Variants in SNX31 observed in about 807,000 individuals in gnomAD.
The protein encoded by SNX31 is sorting nexin-31.
Under a neutral mutation model 65.4 loss-of-function variants are expected in SNX31, and 58 were observed. That is an observed-to-expected ratio of 0.89 (90% CI 0.72 to 1.10). SNX31 has a LOEUF of 1.10. SNX31 is among the 50% of genes least tolerant of loss of function. The probability of loss-of-function intolerance (pLI) is 0.00; values close to 1 mark genes in which losing one functional copy is unlikely to be tolerated. For missense variants in SNX31, 523 were observed against 529.7 expected (o/e 0.99, Z 0.12); for synonymous variants, 181 against 190.1 (o/e 0.95, Z 0.39).
chr8:100,638,548 G>T (rs1318229374), intron 2 of SNX31, among the ~76,000 whole-genome samples: 2 of 152,162 alleles, frequency 1.3e-5, no homozygotes, highest in African/African-American at 4.8e-5. Flanking sequence ...TTGGTGGTTG[G>T]TTGTTTGATT....
upstream of SNX31, among the ~76,000 whole-genome samples, chr8:100,652,511 A>G (rs1319108372): frequency 6.6e-6 from 1 of 152,142 alleles, no homozygotes; most frequent in Non-Finnish European, 1.5e-5. Flanking sequence ...CCCTAACCTT[A>G]TGGAGCCTAA....
At chr8:100,635,354 C>T (rs1818693150) in intron 3 of SNX31, among the ~76,000 whole-genome samples, 1 of 152,002 alleles carries the variant, frequency 6.6e-6, no homozygotes, top group South Asian at 2.1e-4. Flanking sequence ...ATCCTCTCAC[C>T]TCAGCTTCCT....
intron 9 of SNX31, among the ~76,000 whole-genome samples, chr8:100,598,807 GT>G (rs1309208167): frequency 1.3e-5 from 2 of 152,152 alleles, no homozygotes; most frequent in Non-Finnish European, 2.9e-5. Context: ...CAGACATATG[GT>G]CCCTGTTGCA....
At chr8:100,624,000 G>C (rs760543494) in intron 4 of SNX31, among the ~76,000 whole-genome samples, 44 of 151,830 alleles carry the variant, frequency 2.9e-4, no homozygotes, top group Admixed American at 7.2e-4. Flanking sequence ...AACTCCAGTT[G>C]GGGGGGAGGT....
intron 2 of SNX31, among the ~76,000 whole-genome samples, chr8:100,643,490 G>A (rs1001548422): frequency 6.6e-6 from 1 of 152,090 alleles, no homozygotes; most frequent in Non-Finnish European, 1.5e-5. Flanking sequence ...CAGATAAAGG[G>A]CCACAGCTCA....
chr8:100,574,682 C>A (rs1812896058), intron 13 of SNX31, among the ~76,000 whole-genome samples: 1 of 151,076 alleles, frequency 6.6e-6, no homozygotes, highest in Non-Finnish European at 1.5e-5. Flanking sequence ...CGCCTGTAAT[C>A]CCAGCACGTT....
At chr8:100,641,447 G>A (rs540709225) in intron 2 of SNX31, among the ~76,000 whole-genome samples, 2 of 146,496 alleles carry the variant, frequency 1.4e-5, no homozygotes, top group South Asian at 2.2e-4. Flanking sequence ...GTTGAGGTGG[G>A]AGAATAACCT....
exon 1 of SNX31, chr8:100,663,147 G>A (rs887684454): frequency 1.3e-5 from 2 of 152,204 alleles, no homozygotes; most frequent in Non-Finnish European, 1.5e-5. Context: ...CCTACCTTTC[G>A]CGCAGCGCGT....
At chr8:100,596,601 T>C (rs1563528431) in intron 10 of SNX31, 38 bp downstream of exon 10, 1 of 1,584,740 alleles carries the variant, frequency 6.3e-7, no homozygotes, top group Non-Finnish European at 8.7e-7. Flanking sequence ...TACTAGGATT[T>C]TTAAGTCATG....
At chr8:100,649,387 G>T (rs898690280) in intron 1 of SNX31, 39 bp from the exon 2 acceptor site, 1 of 1,611,694 alleles carries the variant, frequency 6.2e-7, no homozygotes, top group Non-Finnish European at 8.5e-7. Flanking sequence ...GTGAGCCGAG[G>T]GATAAGTGAG....
chr8:100,633,804 CATCTGGGAA>C (rs879385070), intron 3 of SNX31, among the ~76,000 whole-genome samples: 1 of 152,064 alleles, frequency 6.6e-6, no homozygotes, highest in African/African-American at 2.4e-5. Flanking sequence ...AAAATGTAAA[CATCTGGGAA>C]ATCTGGGTGG....
At chr8:100,587,660 G>A (rs999878051) in intron 11 of SNX31, among the ~76,000 whole-genome samples, 17 of 152,226 alleles carry the variant, frequency 1.1e-4, no homozygotes, top group African/African-American at 2.9e-4. Context: ...ATGGGTGGCT[G>A]AGGTAGTGAC....
chr8:100,596,485 G>A (rs777665124), intron 10 of SNX31, among the ~76,000 whole-genome samples, 154 bp downstream of exon 10: 2 of 152,190 alleles, frequency 1.3e-5, no homozygotes, highest in Non-Finnish European at 1.5e-5. Context: ...CTACAGATAG[G>A]TTTTACCACT....
At position 100,614,992 on chromosome 8, in the gene SNX31, G is replaced by A. The variant is rs574397186; in HGVS notation, c.433-1907C>T. On this transcript the variant is annotated intron_variant, in intron 5 of 13. Coordinates refer to ENST00000311812, the MANE Select transcript of SNX31 (RefSeq NM_152628.4). The surrounding 1 kb of genome is among the most constrained non-coding windows in gnomAD (Gnocchi z 5.1). ...CAAGTGTGCTGGAGAAGATGCAGAAGGCGATTTTTAATTATAAAACTTAAA... is the reference window on the plus strand; with the variant it reads ...CAAGTGTGCTGGAGAAGATGCAGAAAGCGATTTTTAATTATAAAACTTAAA... 2.0e-5 allele frequency among the ~76,000 whole-genome samples: 3 copies of A among 152,298 alleles called. No individual in the cohort carries two copies. Among genetic ancestry groups the A allele is most frequent in the Admixed American group, 6.5e-5 (1 of 15,296 alleles).
At chr8:100,607,337 T>C (rs1442665472) in intron 8 of SNX31, among the ~76,000 whole-genome samples, 2 of 152,230 alleles carry the variant, frequency 1.3e-5, no homozygotes, top group African/African-American at 4.8e-5. Context: ...GGGCAGCTGG[T>C]GACCTGGGTG....
intron 12 of SNX31, 91 bp from the exon 13 acceptor site, chr8:100,577,166 T>TTAAGAGGATTATCGTGG: frequency 1.8e-6 from 2 of 1,089,882 alleles, no homozygotes; most frequent in Middle Eastern, 2.1e-4. Flanking sequence ...CCTTCCACGA[T>TTAAGAGGATTATCGTGG]AATCCTCTTA....
chr8:100,598,538 GAGTA>G (rs1226427383), intron 9 of SNX31, among the ~76,000 whole-genome samples: 1 of 149,918 alleles, frequency 6.7e-6, no homozygotes, highest in Non-Finnish European at 1.5e-5. Flanking sequence ...AGGTGGTGAT[GAGTA>G]AGTAACTTAT....
chr8:100,586,221 A>G (rs1047416173), intron 11 of SNX31, among the ~76,000 whole-genome samples: 2 of 152,214 alleles, frequency 1.3e-5, no homozygotes, highest in African/African-American at 2.4e-5. Flanking sequence ...GCGCCTGGCC[A>G]ACAATTCAGA....
At chr8:100,638,792 C>G (rs750482331) in intron 2 of SNX31, among the ~76,000 whole-genome samples, 5 of 152,108 alleles carry the variant, frequency 3.3e-5, no homozygotes, top group Non-Finnish European at 7.4e-5. Context: ...AAAATTTAAA[C>G]AACAAAGATG....
Sources: allele counts gnomAD v4.1 joint callset (sites outside exome capture counted in the v4.1 genomes callset), GRCh38; gene constraint gnomAD v4.1.1; non-coding constraint Gnocchi (gnomAD v3.1); transcripts MANE v1.5; gene names NCBI Gene and HGNC (gene_info 2026-07-23, HGNC 2026-07-21).